Variants in C5 observed in about 807,000 individuals in gnomAD.
C5 encodes the protein C3 and PZP-like alpha-2-macroglobulin domain-containing protein 4.
Under a neutral mutation model 218.8 loss-of-function variants are expected in C5, and 140 were observed. That is an observed-to-expected ratio of 0.64 (90% CI 0.56 to 0.74). The LOEUF (loss-of-function observed/expected upper bound fraction) is 0.74, where lower values mean the gene tolerates loss of function less well. C5 is among the 30% of genes least tolerant of loss of function. The probability of loss-of-function intolerance (pLI) is 0.00; values close to 1 mark genes in which losing one functional copy is unlikely to be tolerated. For synonymous variants in C5, 614 were observed against 682.3 expected (o/e 0.90, Z 1.56); for missense variants, 1,700 against 1,969.6 (o/e 0.86, Z 2.59).
rs1193874177 is a variant in C5, at chr9:120,997,671, TCTA to T, written c.2663_2665del (p.Val888del). ...TGTCACCAAGTGACTGGAGGAGCCCTCTACTTTCTGGCGCACACATTTGGAGGA... is the reference window on the plus strand; with the variant it reads ...TGTCACCAAGTGACTGGAGGAGCCCTCTTTCTGGCGCACACATTTGGAGGA... On this transcript the variant is annotated inframe_deletion, in exon 21 of 41. Coordinates refer to ENST00000223642, the MANE Select transcript of C5 (RefSeq NM_001735.3). 9 of 1,614,222 alleles carry T rather than the reference TCTA, an allele frequency of 5.6e-6. No individual in the cohort carries two copies. Among genetic ancestry groups the T allele is most frequent in the Non-Finnish European group, 6.8e-6 (8 of 1,180,028 alleles).
chr9:121,052,861 AT>A (rs1218980525), upstream of C5, among the ~76,000 whole-genome samples: 4 of 152,192 alleles, frequency 2.6e-5, no homozygotes, highest in Non-Finnish European at 5.9e-5. Flanking sequence ...CTGGACACCA[AT>A]TTTCTATTAA....
chr9:121,027,106 C>G (rs887217745), intron 8 of C5, 54 bp downstream of exon 8: 2 of 944,600 alleles, frequency 2.1e-6, no homozygotes, highest in African/African-American at 1.6e-5. Flanking sequence ...AACTTCTCAT[C>G]TCTCACCTCT....
intron 16 of C5, among the ~76,000 whole-genome samples, chr9:121,014,457 C>A (rs902094892): frequency 3.9e-5 from 6 of 152,190 alleles, no homozygotes; most frequent in African/African-American, 1.2e-4. Context: ...CATCACTATA[C>A]AAATATTTCC....
In C5 at chr9:120,982,389, G is replaced by A. The variant is rs565704955; in HGVS notation, c.3390+266C>T. On this transcript the variant is annotated intron_variant, in intron 26 of 40. Transcript: ENST00000223642. ...TCTCAATAAGCCCTGGGTCTATCTCGCTTGAGTGCTTTCACTTGCCCATCT... is the reference window on the plus strand; with the variant it reads ...TCTCAATAAGCCCTGGGTCTATCTCACTTGAGTGCTTTCACTTGCCCATCT... Among the ~76,000 whole-genome samples the A allele has an allele frequency of 3.4e-4, 52 of 152,208 alleles. 1 individual carries two copies. Among genetic ancestry groups the A allele is most frequent in the Non-Finnish European group, 5.9e-4 (40 of 68,022 alleles).
rs370871060 is a variant in C5, at chr9:121,034,912, C to T, written c.493-18G>A. On this transcript the variant is annotated intron_variant, in intron 4 of 40. Coordinates refer to ENST00000223642, the MANE Select transcript of C5 (RefSeq NM_001735.3). ...TCAGGATCCTGTAAATAAAAACAAA[C>T]ACCCTCAAAGGCCAGAAACTACATT... 5.2e-6 allele frequency: 7 copies of T among 1,358,788 alleles called. No homozygotes were observed. The highest frequency in any genetic ancestry group is 4.3e-5 in the African/African-American group (3 of 69,888). 84.2% of individuals were successfully genotyped at this position (1,358,788 alleles called of 1,614,324 possible).
intron 28 of C5, chr9:120,979,559 T>A: frequency 1.2e-5 from 2 of 167,062 alleles, no homozygotes; most frequent in South Asian, 3.1e-4. Flanking sequence ...GTCCAGGGTG[T>A]ACATAGGATA....
intron 17 of C5, among the ~76,000 whole-genome samples, chr9:121,010,253 A>G (rs1223420398): frequency 6.6e-6 from 1 of 152,254 alleles, no homozygotes; most frequent in Non-Finnish European, 1.5e-5. Flanking sequence ...CTCCACCAAA[A>G]AACTATTAGA....
At position 121,017,473 on chromosome 9, in the gene C5, G is replaced by A. The variant is rs377477933; in HGVS notation, c.1755C>T (p.Gly585=). The A allele has an allele frequency of 9.9e-6, 16 of 1,613,756 alleles. No homozygotes were observed. The African/African-American group carries it at 1.7e-4, about 17-fold the overall frequency. The part of the protein sequence containing the change: ...LSPDADAYSP[G]QTVSLNMATG... Reference sequence around the variant, plus strand: ...TTGCCATATTAAGAGACACAGTTTGGCCTGGAGAATATGCATCTGCATCAG... The same window carrying A: ...TTGCCATATTAAGAGACACAGTTTGACCTGGAGAATATGCATCTGCATCAG... Residue 585 remains glycine, a synonymous_variant, in exon 14 of 41, where the codon GGC becomes GGT. Transcript: ENST00000223642.
chr9:120,969,611 G>A (rs2046895474), intron 32 of C5, among the ~76,000 whole-genome samples: 1 of 152,142 alleles, frequency 6.6e-6, no homozygotes. Flanking sequence ...AACCAGCAGA[G>A]GGATGTGAGG....
intron 22 of C5, among the ~76,000 whole-genome samples, chr9:120,996,039 G>A (rs1238191853): frequency 6.6e-6 from 1 of 151,852 alleles, no homozygotes. Flanking sequence ...GGCTGGTCTC[G>A]AACTCCTGAC....
chr9:120,964,393 G>A (rs557334238), intron 33 of C5, among the ~76,000 whole-genome samples: 6 of 152,322 alleles, frequency 3.9e-5, no homozygotes, highest in Non-Finnish European at 7.4e-5. Context: ...TTGAACCTGG[G>A]AGGCGGAGGT....
Position 120,959,234 on chromosome 9 carries a change from TTCTTTC to T in C5, c.4678+1008_4678+1013del, listed in dbSNP as rs1268895349. The stretch of plus-strand genomic sequence containing the variant: ...AATTTATAAATAACACCCTTCAAAT[TTCTTTC>T]TTTCTTTCTTTCTTTCTTTCTTTCT... On this transcript the variant is annotated intron_variant, in intron 38 of 40. Transcript: ENST00000223642. Among the ~76,000 whole-genome samples, 3 of 18,184 alleles carry T rather than the reference TTCTTTC, an allele frequency of 1.6e-4. No individual in the cohort carries two copies. The East Asian group carries it at 6.1e-3, about 37-fold the overall frequency. The allele number at this position is 18,184 out of a possible 152,430, so 11.9% of individuals were successfully genotyped here.
At position 120,962,889 on chromosome 9, in the gene C5, T is replaced by C. The variant is rs1468339818; in HGVS notation, c.4398+4A>G. Reference sequence around the variant, plus strand: ...AAGGAAAAATGGTTGCAGGTGGAGCTTACCGAATTCAGTTGCAGAATAACA... The same window carrying C: ...AAGGAAAAATGGTTGCAGGTGGAGCCTACCGAATTCAGTTGCAGAATAACA... On this transcript the variant is annotated splice_donor_region_variant and intron_variant, in intron 35 of 40. Transcript: ENST00000223642. 1 of 1,613,584 alleles carries C rather than the reference T, an allele frequency of 6.2e-7. No individual in the cohort carries two copies. Among genetic ancestry groups the C allele is most frequent in the East Asian group, 2.2e-5 (1 of 44,880 alleles).
rs1156724493 is a variant in C5 at position 120,989,069 on chromosome 9, C to T, written c.3207G>A (p.Trp1069Ter). Reference sequence around the variant, plus strand: ...ACCAAGTGCTAGCACTTCCACCCTTCCACACACTGTAAGAGTAGTCAGCAT... The same window carrying T: ...ACCAAGTGCTAGCACTTCCACCCTTTCACACACTGTAAGAGTAGTCAGCAT... The part of the protein sequence containing the change: ...YRNADYSYSV[W>*]KGGSASTWLT... The change falls in exon 25 of 41, where the codon TGG becomes TGA. Residue 1069 changes from tryptophan (W) to a stop codon, truncating the protein, a stop_gained. Transcript: ENST00000223642. LOFTEE classifies it high-confidence loss of function. 9 of 1,613,664 alleles carry T rather than the reference C, an allele frequency of 5.6e-6. No individual in the cohort carries two copies. The South Asian group carries it at 9.9e-5, about 18-fold the overall frequency.
At chr9:120,965,985 G>A (rs2046864490) in intron 33 of C5, among the ~76,000 whole-genome samples, 1 of 152,154 alleles carries the variant, frequency 6.6e-6, no homozygotes, top group African/African-American at 2.4e-5. Context: ...CTTTTCTTAG[G>A]AATACAACAG....
chr9:120,982,418 T>C (rs2047001511), intron 26 of C5, among the ~76,000 whole-genome samples: 1 of 152,192 alleles, frequency 6.6e-6, no homozygotes, highest in Non-Finnish European at 1.5e-5. Flanking sequence ...CCCATCTACC[T>C]CCACCCCGTT....
chr9:121,042,908 C>T (rs775510327), intron 3 of C5, 96 bp downstream of exon 3: 61 of 960,218 alleles, frequency 6.4e-5, no homozygotes, highest in African/African-American at 1.5e-4. Context: ...AAAAAGAAAC[C>T]GATCTCCACT....
intron 1 of C5, 124 bp downstream of exon 1, chr9:121,050,058 A>G: frequency 1.2e-6 from 1 of 806,000 alleles, no homozygotes; most frequent in Non-Finnish European, 2.2e-6. Flanking sequence ...CAGAGATGAT[A>G]CTATTCACTT....
At position 121,031,718 on chromosome 9, in the gene C5, G is replaced by A. The variant is rs2047476125; in HGVS notation, c.667+395C>T. ...CTCATCTTCATCTGGGAATAATTTT[G>A]CATTAACTACATTATTAAAAAGAAT... On this transcript the variant is annotated intron_variant, in intron 6 of 40. Coordinates refer to ENST00000223642, the MANE Select transcript of C5 (RefSeq NM_001735.3). Among the ~76,000 whole-genome samples the A allele has an allele frequency of 2.0e-5, 3 of 152,112 alleles. No homozygotes were observed. The South Asian group carries it at 6.2e-4, about 32-fold the overall frequency.
Sources: allele counts gnomAD v4.1 joint callset (sites outside exome capture counted in the v4.1 genomes callset), GRCh38; gene constraint gnomAD v4.1.1; transcripts MANE v1.5; gene names NCBI Gene and HGNC (gene_info 2026-07-23, HGNC 2026-07-21).